Variants in CPVL observed in about 807,000 individuals in gnomAD.
CPVL encodes the protein probable serine carboxypeptidase CPVL.
A neutral mutation model predicts 63.7 loss-of-function variants in CPVL; 51 were observed. The observed-to-expected ratio is 0.80, with a 90% CI of 0.64 to 1.01. The LOEUF is 1.01. Among genes scored for constraint, CPVL ranks in the 50% least tolerant of loss-of-function variants. The pLI is 0.00. For synonymous variants in CPVL, 195 were observed against 206.0 expected, an observed-to-expected ratio of 0.95 and a Z score of 0.46; for missense variants, 530 against 573.1, an observed-to-expected ratio of 0.92 and a Z score of 0.77.
chr7:29,120,458 T>C (rs941806860), intron 2 of CPVL, among the ~76,000 whole-genome samples: 2 of 151,848 alleles, frequency 1.3e-5, no homozygotes, highest in African/African-American at 4.8e-5. Context: ...AATATATATA[T>C]ATATATTTGA....
At chr7:29,147,503 A>T (rs549046899), upstream of CPVL, among the ~76,000 whole-genome samples, 1 of 152,366 alleles carries the variant, frequency 6.6e-6, no homozygotes, top group Middle Eastern at 3.4e-3. Flanking sequence ...AGCTGGAACA[A>T]ACTAATGTCA....
chr7:29,004,729 C>A (rs1441723573), intron 12 of CPVL, among the ~76,000 whole-genome samples: 2 of 151,876 alleles, frequency 1.3e-5, no homozygotes, highest in Non-Finnish European at 1.5e-5. Flanking sequence ...GTGCCTAGGA[C>A]CAAGAGGTTT....
At chr7:29,167,849 G>A (rs142243758) in intron 5 of CPVL, among the ~76,000 whole-genome samples, 1 of 152,324 alleles carries the variant, frequency 6.6e-6, no homozygotes, top group Non-Finnish European at 1.5e-5. Flanking sequence ...GAATTGTGAA[G>A]GAATGTCTGC....
intron 7 of CPVL, among the ~76,000 whole-genome samples, chr7:29,075,172 G>A (rs1195369815): frequency 6.6e-6 from 1 of 152,052 alleles, no homozygotes; most frequent in African/African-American, 2.4e-5. Flanking sequence ...TGCTAGGTAG[G>A]TAGTCATGAC....
intron 7 of CPVL, among the ~76,000 whole-genome samples, chr7:29,083,486 A>C (rs1784933646): frequency 6.6e-6 from 1 of 152,238 alleles, no homozygotes. Context: ...CAAGTGGATC[A>C]TCTGAGATTC....
At position 29,072,385 on chromosome 7, in the gene CPVL, G is replaced by A. The variant is rs1439128377; in HGVS notation, c.648C>T (p.Leu216=). ...CTCTCACAGGGTTGAGGGAATGGAT[G>A]AGGTGTGCAATGGCTGGCACATATT... ...AGKYVPAIAH[L]IHSLNPVREV... Residue 216 remains leucine (L), a synonymous_variant, in exon 8 of 13, where the codon CTC becomes CTT. Coordinates refer to ENST00000265394, the MANE Select transcript of CPVL (RefSeq NM_031311.5). The A allele has an allele frequency of 1.2e-6, 2 of 1,614,092 alleles. No individual in the cohort carries two copies. The highest frequency in any genetic ancestry group is 1.1e-5 in the South Asian group (1 of 91,074).
rs1783843226 is a variant in CPVL at position 29,072,423 on chromosome 7, A to G, written c.610T>C (p.Ser204Pro). 10 of 1,612,844 alleles carry G rather than the reference A, an allele frequency of 6.2e-6. No homozygotes were observed. Among genetic ancestry groups the G allele is most frequent in the Non-Finnish European group, 8.5e-6 (10 of 1,179,630 alleles). The change falls in exon 8 of 13, where the codon TCT (serine) becomes CCT (proline). Residue 204 changes from serine to proline, a missense_variant and splice_region_variant. Coordinates refer to ENST00000265394, the MANE Select transcript of CPVL (RefSeq NM_031311.5). ...KNNDFYVTGE[S>P]YAGKYVPAIA... The stretch of plus-strand genomic sequence containing the variant: ...GCTGGCACATATTTCCCTGCATAAG[A>G]CTGAGAAGGACAGATGTTGAAATGG...
intron 3 of CPVL, among the ~76,000 whole-genome samples, chr7:29,101,972 C>T (rs747667071): frequency 3.3e-5 from 5 of 152,180 alleles, no homozygotes; most frequent in East Asian, 1.9e-4. Flanking sequence ...ATGCACTCTA[C>T]GAATTTACCA....
At chr7:29,050,976 A>T (rs923199499) in intron 11 of CPVL, among the ~76,000 whole-genome samples, 7 of 152,182 alleles carry the variant, frequency 4.6e-5, no homozygotes, top group Non-Finnish European at 8.8e-5. Context: ...ATCTTTGACA[A>T]AGCAAATAAA....
At chr7:29,171,388 A>G (rs556858128) in intron 5 of CPVL, among the ~76,000 whole-genome samples, 4 of 152,354 alleles carry the variant, frequency 2.6e-5, no homozygotes, top group South Asian at 2.1e-4. Context: ...ATGTAATGGA[A>G]TAAACAACGG....
At position 29,180,225 on chromosome 7, in the gene CPVL, G is replaced by A. The variant is rs181534134; in HGVS notation, c.-11+1065C>T. ...TAGAATATTTTTAAAATGTGATAAC[G>A]TACCAATAGTGACATCTAGGCCGGG... is the stretch of plus-strand genomic sequence containing the variant. On this transcript the variant is annotated intron_variant, in intron 5 of 16. Coordinates refer to the CPVL transcript ENST00000409850. Among the ~76,000 whole-genome samples the A allele has an allele frequency of 1.9e-4, 29 of 152,126 alleles. No homozygotes were observed. In the East Asian group the frequency reaches 4.4e-3, roughly 23 times the overall value.
intron 11 of CPVL, among the ~76,000 whole-genome samples, chr7:29,046,379 C>T (rs577885958): frequency 5.9e-5 from 9 of 152,154 alleles, no homozygotes; most frequent in African/African-American, 1.7e-4. Context: ...CCACCGCGCC[C>T]GACCAGGTAA....
At chr7:29,058,504 T>C (rs1023042387) in intron 11 of CPVL, among the ~76,000 whole-genome samples, 3 of 152,152 alleles carry the variant, frequency 2.0e-5, no homozygotes, top group Non-Finnish European at 4.4e-5. Context: ...TCTCTTTATA[T>C]AGATGTGAGT....
At chr7:29,183,311 C>T (rs1439976239) in intron 4 of CPVL, among the ~76,000 whole-genome samples, 11 of 149,932 alleles carry the variant, frequency 7.3e-5, no homozygotes, top group African/African-American at 9.8e-5. Context: ...CTCGAACTCC[C>T]GATCTCAGGT....
intron 1 of CPVL, chr7:29,194,690 C>A (rs1323496187): frequency 2.6e-5 from 10 of 385,718 alleles, no homozygotes; most frequent in Non-Finnish European, 4.1e-5. Flanking sequence ...TCCCACCTAC[C>A]CCCTGACACC....
At chr7:29,049,314 A>C (rs1789925558) in intron 11 of CPVL, among the ~76,000 whole-genome samples, 1 of 152,118 alleles carries the variant, frequency 6.6e-6, no homozygotes, top group Non-Finnish European at 1.5e-5. Context: ...TAACCTCATT[A>C]AGAAACAAAA....
intron 1 of CPVL, among the ~76,000 whole-genome samples, chr7:29,131,761 C>T (rs775505916): frequency 7.2e-5 from 11 of 152,192 alleles, no homozygotes; most frequent in Non-Finnish European, 1.5e-4. Context: ...GATTCACCTG[C>T]CTTGGCCTCC....
chr7:29,116,152 C>T (rs542621012), intron 2 of CPVL, among the ~76,000 whole-genome samples: 1 of 152,160 alleles, frequency 6.6e-6, no homozygotes, highest in Non-Finnish European at 1.5e-5. Context: ...TGAACTAAAA[C>T]AAGCCCTACT....
intron 3 of CPVL, chr7:29,096,422 G>A: frequency 1.7e-6 from 1 of 577,252 alleles, no homozygotes; most frequent in East Asian, 2.8e-5. Context: ...TGCCTCATAT[G>A]CTGGTGTCTT....
Sources: allele counts gnomAD v4.1 joint callset (sites outside exome capture counted in the v4.1 genomes callset), GRCh38; gene constraint gnomAD v4.1.1; transcripts MANE v1.5; gene names NCBI Gene and HGNC (gene_info 2026-07-23, HGNC 2026-07-21).